PNPLA1: variants seen among roughly 807,000 people sequenced by gnomAD.
PNPLA1 encodes patatin like domain 1, omega-hydroxyceramide transacylase, also known as omega-hydroxyceramide transacylase.
Under a neutral mutation model 51.7 loss-of-function variants are expected in PNPLA1, and 36 were observed. The observed-to-expected ratio is 0.70, with a 90% CI of 0.53 to 0.92. The LOEUF (loss-of-function observed/expected upper bound fraction) is 0.92. Among genes scored for constraint, PNPLA1 ranks in the 40% least tolerant of loss-of-function variants. The pLI is 0.00. For synonymous variants in PNPLA1, 293 were observed against 280.1 expected (o/e 1.05, Z -0.46); for missense variants, 658 against 682.5 (o/e 0.96, Z 0.40).
chr6:36,251,319 G>A (rs1769417390), intron 1 of PNPLA1, among the ~76,000 whole-genome samples: 1 of 152,172 alleles, frequency 6.6e-6, no homozygotes, highest in South Asian at 2.1e-4. Flanking sequence ...GAACTCCTGG[G>A]CTGCTGGGTT....
At chr6:36,305,862 T>TCTTA (rs1333428610) in intron 6 of PNPLA1, among the ~76,000 whole-genome samples, 3 of 149,016 alleles carry the variant, frequency 2.0e-5, no homozygotes. Flanking sequence ...CAGGTGATTC[T>TCTTA]CTTACCTCAG....
intron 1 of PNPLA1, 59 bp from the exon 2 acceptor site, chr6:36,291,261 C>T (rs1406511645): frequency 4.3e-6 from 6 of 1,410,004 alleles, no homozygotes; most frequent in South Asian, 1.2e-5. Flanking sequence ...CCTAGACCTC[C>T]CTTGGCCCCT....
intron 1 of PNPLA1, among the ~76,000 whole-genome samples, chr6:36,277,114 T>G (rs1156553029): frequency 6.6e-6 from 1 of 152,158 alleles, no homozygotes; most frequent in Non-Finnish European, 1.5e-5. Flanking sequence ...GGACATAGCA[T>G]GACAACACGA....
At chr6:36,285,488 T>G (rs1437437308) in intron 1 of PNPLA1, among the ~76,000 whole-genome samples, 4 of 152,178 alleles carry the variant, frequency 2.6e-5, no homozygotes, top group Admixed American at 2.6e-4. Flanking sequence ...CTGCCCGCCT[T>G]TCTATGATTT....
At chr6:36,307,799 G>A in intron 8 of PNPLA1, 87 bp downstream of exon 8, 1 of 1,520,328 alleles carries the variant, frequency 6.6e-7, no homozygotes, top group Non-Finnish European at 8.9e-7. Flanking sequence ...ATAGAGGAGA[G>A]TGTAAGGGAG....
At position 36,291,234 on chromosome 6, in the gene PNPLA1, T is replaced by C. The variant is rs1770665561; in HGVS notation, c.206-86T>C. Reference sequence around the variant, plus strand: ...TTTCCCCATTTGTTGGATTCAGAGATGAGTTGGAGAAACCACCCTAGACCT... The same window carrying C: ...TTTCCCCATTTGTTGGATTCAGAGACGAGTTGGAGAAACCACCCTAGACCT... On this transcript the variant is annotated intron_variant, in intron 1 of 8. Coordinates refer to ENST00000636260, the MANE Select transcript of PNPLA1 (RefSeq NM_001374623.1). 1.7e-5 allele frequency: 16 copies of C among 944,116 alleles called. No homozygotes were observed. The South Asian group carries it at 2.5e-4, about 14-fold the overall frequency. 58.5% of individuals were successfully genotyped at this position (944,116 alleles called of 1,614,324 possible).
intron 5 of PNPLA1, among the ~76,000 whole-genome samples, chr6:36,300,086 G>T (rs1770983199): frequency 6.6e-6 from 1 of 151,714 alleles, no homozygotes; most frequent in African/African-American, 2.4e-5. Flanking sequence ...CCCACCCAGG[G>T]ATCACATTAC....
intron 5 of PNPLA1, among the ~76,000 whole-genome samples, chr6:36,297,902 TCAC>T (rs949969131): frequency 1.4e-5 from 2 of 146,822 alleles, no homozygotes; most frequent in Middle Eastern, 3.2e-3. Flanking sequence ...TGTGAAACCA[TCAC>T]CACAATTAAG....
Position 36,300,178 on chromosome 6 carries a change from T to TGTGTGAGAGAGAGAGAGAGAGAGAGA in PNPLA1, c.776-1682_776-1681insTGTGAGAGAGAGAGAGAGAGAGAGAG. Among the ~76,000 whole-genome samples, 118 of 98,120 alleles carry TGTGTGAGAGAGAGAGAGAGAGAGAGA rather than the reference T, an allele frequency of 1.2e-3. 1 individual carries two copies. Among genetic ancestry groups the TGTGTGAGAGAGAGAGAGAGAGAGAGA allele is most frequent in the Non-Finnish European group, 2.0e-3 (88 of 44,330 alleles). 64.4% of individuals were successfully genotyped at this position (98,120 alleles called of 152,430 possible). A position where few individuals can be genotyped will look rare whatever the true frequency, so the allele number is the denominator to read the frequency against. ...TCTTATTCTTGTGTGTGTGTGTGTGTGAGAGAGAGAGAGAGAGAGAGAGAG... is the reference window on the plus strand; with the variant it reads ...TCTTATTCTTGTGTGTGTGTGTGTGTGTGTGAGAGAGAGAGAGAGAGAGAGAGAGAGAGAGAGAGAGAGAGAGAGAG... On this transcript the variant is annotated intron_variant, in intron 5 of 8. Transcript: ENST00000636260.
At chr6:36,274,586 A>T (rs979662182) in intron 1 of PNPLA1, among the ~76,000 whole-genome samples, 8 of 152,270 alleles carry the variant, frequency 5.3e-5, no homozygotes, top group African/African-American at 1.9e-4. Flanking sequence ...CATGACATGT[A>T]TATCATTCTA....
chr6:36,252,898 G>A (rs932344969), intron 1 of PNPLA1, among the ~76,000 whole-genome samples: 1 of 152,222 alleles, frequency 6.6e-6, no homozygotes, highest in Non-Finnish European at 1.5e-5. Context: ...AGGCAATAGA[G>A]GGCCGGGCGT....
intron 1 of PNPLA1, among the ~76,000 whole-genome samples, chr6:36,274,758 T>C (rs1473013806): frequency 6.6e-6 from 1 of 152,224 alleles, no homozygotes; most frequent in Non-Finnish European, 1.5e-5. Context: ...GTGTCTCATC[T>C]ACTGTATTTA....
rs1417319853 is a variant in PNPLA1, at chr6:36,312,840, A to G, written c.*954A>G. 6.6e-6 allele frequency among the ~76,000 whole-genome samples: 1 copy of G among 151,798 alleles called. No individual in the cohort carries two copies. ...TCGGCACTCATGGACCTTCCTCTCA[A>G]CCTTGGCCTGAGCTTGCTTCTTTGA... On this transcript the variant is annotated 3_prime_UTR_variant, in exon 9 of 9. Coordinates refer to ENST00000636260, the MANE Select transcript of PNPLA1 (RefSeq NM_001374623.1).
chr6:36,293,292 C>T (rs1770748786), intron 3 of PNPLA1, among the ~76,000 whole-genome samples, 166 bp downstream of exon 3: 1 of 152,188 alleles, frequency 6.6e-6, no homozygotes, highest in South Asian at 2.1e-4. Flanking sequence ...AGGTGGCTTT[C>T]TGGGCCTTTA....
At chr6:36,287,079 C>A (rs1237249175) in intron 1 of PNPLA1, among the ~76,000 whole-genome samples, 1 of 152,190 alleles carries the variant, frequency 6.6e-6, no homozygotes, top group Non-Finnish European at 1.5e-5. Flanking sequence ...TTAACTCTCG[C>A]TGTCTATCCA....
rs1770735942 is a variant in PNPLA1 at position 36,293,041 on chromosome 6, G to A, written c.439-20G>A. ...CCACCCCCGGGCCTCCAGCATCTCA[G>A]CCCTGTTCTCTCCGCACAGGCCCTA... On this transcript the variant is annotated intron_variant, in intron 2 of 8. Transcript: ENST00000636260. 3 of 1,610,042 alleles carry A rather than the reference G, an allele frequency of 1.9e-6. No individual in the cohort carries two copies. Among genetic ancestry groups the A allele is most frequent in the East Asian group, 2.2e-5 (1 of 44,796 alleles).
intron 5 of PNPLA1, among the ~76,000 whole-genome samples, chr6:36,297,690 C>T (rs1446875382): frequency 2.6e-5 from 4 of 152,330 alleles, no homozygotes; most frequent in Non-Finnish European, 4.4e-5. Context: ...CTTGAAAATC[C>T]GCATTCCCCA....
chr6:36,280,471 T>G (rs1211612187), intron 1 of PNPLA1, among the ~76,000 whole-genome samples: 1 of 152,188 alleles, frequency 6.6e-6, no homozygotes, highest in Admixed American at 6.5e-5. Context: ...AATACAGATT[T>G]GGGTCTTTCA....
intron 5 of PNPLA1, among the ~76,000 whole-genome samples, chr6:36,297,131 A>G (rs576646829): frequency 6.6e-6 from 1 of 152,320 alleles, no homozygotes; most frequent in African/African-American, 2.4e-5. Flanking sequence ...TTGAGCCAGT[A>G]TATGGATGGG....
Sources: gnomAD v4.1 joint callset for allele counts (sites outside exome capture counted in the v4.1 genomes callset) on GRCh38, gnomAD v4.1.1 for gene constraint, MANE v1.5 for transcripts, NCBI Gene and HGNC (gene_info 2026-07-23, HGNC 2026-07-21) for gene names.